MEGF6: variants seen among roughly 807,000 people sequenced by gnomAD.
MEGF6 encodes multiple EGF like domains 6.
Under a neutral mutation model 207.1 loss-of-function variants are expected in MEGF6, and 184 were observed. The observed-to-expected ratio is 0.89, with a 90% CI of 0.79 to 1.00. MEGF6 has a LOEUF of 1.00. MEGF6 is among the 50% of genes least tolerant of loss of function. The pLI is 0.00. For synonymous variants in MEGF6, 1,038 were observed against 910.0 expected, an observed-to-expected ratio of 1.14 and a Z score of -2.53; for missense variants, 2,282 against 2,202.9, an observed-to-expected ratio of 1.04 and a Z score of -0.72.
chr1:3,499,606 C>T lies in MEGF6; in HGVS notation c.2947G>A (p.Gly983Ser), dbSNP rs1640763759. Residue 983 changes from glycine to serine, a missense_variant, in exon 23 of 37, where the codon GGC becomes AGC. By Grantham distance (56) the Gly-to-Ser change is moderately conservative. Transcript: ENST00000356575. ...CACGCACTCTCGGCACAGCGGGGGCCCCGGCGGCCAGCGGGGCAGAGGCAG... is the reference window on the plus strand; with the variant it reads ...CACGCACTCTCGGCACAGCGGGGGCTCCGGCGGCCAGCGGGGCAGAGGCAG... ...GSCLCPAGRR[G>S]PRCAETCPAH... is the part of the protein sequence containing the mutation. The T allele has an allele frequency of 6.3e-7, 1 of 1,583,548 alleles. No homozygotes were observed. The highest frequency in any genetic ancestry group is 1.3e-5 in the African/African-American group (1 of 74,536).
Position 3,494,015 on chromosome 1 carries a change from G to A in MEGF6, c.4239C>T (p.His1413=), listed in dbSNP as rs372597074. 1.2e-5 allele frequency: 20 copies of A among 1,605,398 alleles called. No individual in the cohort carries two copies. Among genetic ancestry groups the A allele is most frequent in the African/African-American group, 6.7e-5 (5 of 74,734 alleles). Reference sequence around the variant, plus strand: ...ACTCACCCCTCTCACAGAAGTGGCCGTGGAAGCCGGCAGGGCAGAGGCATC... The same window carrying A: ...ACTCACCCCTCTCACAGAAGTGGCCATGGAAGCCGGCAGGGCAGAGGCATC... ...SGRCLCPAGF[H]GHFCERGCEP... is the part of the protein sequence containing the mutation. Residue 1413 remains histidine (H), a synonymous_variant, in exon 33 of 37, where the codon CAC becomes CAT. Coordinates refer to ENST00000356575, the MANE Select transcript of MEGF6 (RefSeq NM_001409.4).
At chr1:3,494,270 C>T (rs1640503483) in intron 32 of MEGF6, 101 bp downstream of exon 32, 4 of 1,466,274 alleles carry the variant, frequency 2.7e-6, no homozygotes, top group Non-Finnish European at 3.6e-6. Flanking sequence ...TGCTGGCTCC[C>T]CACCTCCCCA....
At chr1:3,593,974 G>T (rs780002491) in intron 3 of MEGF6, among the ~76,000 whole-genome samples, 2 of 152,154 alleles carry the variant, frequency 1.3e-5, no homozygotes, top group Non-Finnish European at 2.9e-5. Flanking sequence ...TGGAGCTCGG[G>T]CCAGGACGGG....
At chr1:3,581,892 A>C (rs1643805688) in intron 3 of MEGF6, among the ~76,000 whole-genome samples, 2 of 151,114 alleles carry the variant, frequency 1.3e-5, no homozygotes, top group Admixed American at 6.6e-5. Context: ...CGTGCACACC[A>C]CCCTGTGTCC....
chr1:3,494,526 C>T (rs1640518162), intron 31 of MEGF6, 27 bp from the exon 32 acceptor site: 1 of 1,578,856 alleles, frequency 6.3e-7, no homozygotes, highest in South Asian at 1.2e-5. Flanking sequence ...GTGGGCAGTC[C>T]TTCGGCACCA....
chr1:3,533,489 G>A (rs1397652523), intron 4 of MEGF6, among the ~76,000 whole-genome samples: 1 of 152,264 alleles, frequency 6.6e-6, no homozygotes, highest in Non-Finnish European at 1.5e-5. Context: ...ACCAGTTAGT[G>A]CCAACAGAAG....
At chr1:3,620,028 G>T in the MEGF6 span, among the ~76,000 whole-genome samples, 1 of 151,728 alleles carries the variant, frequency 6.6e-6, no homozygotes, top group Non-Finnish European at 1.5e-5. Context: ...CTGGAGCAAA[G>T]CTATATTTTA....
At chr1:3,605,677 C>T (rs1644239501) in intron 1 of MEGF6, among the ~76,000 whole-genome samples, 1 of 151,146 alleles carries the variant, frequency 6.6e-6, no homozygotes, top group Non-Finnish European at 1.5e-5. Flanking sequence ...CTCACACACA[C>T]TCGCACACAC....
intron 4 of MEGF6, among the ~76,000 whole-genome samples, chr1:3,530,511 A>G (rs1280446587): frequency 2.0e-5 from 3 of 152,164 alleles, no homozygotes; most frequent in Non-Finnish European, 2.9e-5. Context: ...ACCTGGAGGG[A>G]GGCGGGCCTA....
At chr1:3,621,427 G>A in the MEGF6 span, among the ~76,000 whole-genome samples, 9 of 152,142 alleles carry the variant, frequency 5.9e-5, no homozygotes, top group Non-Finnish European at 1.2e-4. Flanking sequence ...ATCTCTGTAC[G>A]GCCTGGTTTT....
intron 4 of MEGF6, among the ~76,000 whole-genome samples, chr1:3,567,528 G>GC (rs77661277): frequency 0.053 from 8,046 of 151,978 alleles, 453 homozygotes; most frequent in East Asian, 0.17. Flanking sequence ...GCATGGACAT[G>GC]CCCCCCCCAG....
chr1:3,615,056 C>T (rs1451902017), upstream of MEGF6, among the ~76,000 whole-genome samples: 1 of 152,260 alleles, frequency 6.6e-6, no homozygotes, highest in African/African-American at 2.4e-5. Flanking sequence ...TACCTCCCCA[C>T]TACTCTCATC....
chr1:3,579,750 T>A, intron 4 of MEGF6, 75 bp downstream of exon 4: 2 of 1,096,238 alleles, frequency 1.8e-6, no homozygotes, highest in East Asian at 6.3e-5. Flanking sequence ...GGACGGCCAG[T>A]GGCCGACACA....
At chr1:3,494,568 C>A (rs755144228) in intron 31 of MEGF6, 45 bp downstream of exon 31, 1 of 1,560,958 alleles carries the variant, frequency 6.4e-7, no homozygotes, top group South Asian at 1.2e-5. Flanking sequence ...GCCCAGGGCA[C>A]CTCCCTGAGG....
chr1:3,621,112 A>C, the MEGF6 span, among the ~76,000 whole-genome samples: 1 of 152,218 alleles, frequency 6.6e-6, no homozygotes, highest in South Asian at 2.1e-4. Flanking sequence ...TCACAGGGAG[A>C]CAGGCCTCCA....
At chr1:3,506,294 C>T (rs1641115796) in intron 14 of MEGF6, 58 bp from the exon 15 acceptor site, 3 of 1,578,458 alleles carry the variant, frequency 1.9e-6, no homozygotes, top group South Asian at 1.1e-5. Context: ...CACATGTGGT[C>T]CCCCCATGTG....
In MEGF6 at chr1:3,598,026, G is replaced by A. The variant is rs117591130; in HGVS notation, c.267-2579C>T. Among the ~76,000 whole-genome samples the A allele has an allele frequency of 4.4e-4, 67 of 152,338 alleles. 1 individual carries two copies. The East Asian group carries it at 0.01, about 23-fold the overall frequency. On this transcript the variant is annotated intron_variant, in intron 2 of 36. Transcript: ENST00000356575. Reference sequence around the variant, plus strand: ...GAGGCAAGACAGAGAGACATAGAAAGAGAAATCGAAGGAGTAGAAGATGCG... The same window carrying A: ...GAGGCAAGACAGAGAGACATAGAAAAAGAAATCGAAGGAGTAGAAGATGCG...
chr1:3,618,898 C>T, the MEGF6 span, among the ~76,000 whole-genome samples: 1 of 152,238 alleles, frequency 6.6e-6, no homozygotes, highest in Non-Finnish European at 1.5e-5. This position sits in a 1 kb window ranked among gnomAD's most constrained non-coding sequence, Gnocchi z 4.7. Flanking sequence ...CACTGACCTC[C>T]AACCTGGGGG....
chr1:3,526,306 G>A (rs1446385341), intron 4 of MEGF6, among the ~76,000 whole-genome samples: 1 of 152,128 alleles, frequency 6.6e-6, no homozygotes, highest in Non-Finnish European at 1.5e-5. Flanking sequence ...GCCAGGAGAG[G>A]AGGGCAAGAG....
Sources: gnomAD v4.1 joint callset for allele counts (sites outside exome capture counted in the v4.1 genomes callset) on GRCh38, gnomAD v4.1.1 for gene constraint, Gnocchi (gnomAD v3.1) non-coding constraint, MANE v1.5 for transcripts, NCBI Gene and HGNC (gene_info 2026-07-23, HGNC 2026-07-21) for gene names.